ATP6V1C1: variants seen among roughly 807,000 people sequenced by gnomAD.
The protein encoded by ATP6V1C1 is V-type proton ATPase subunit C 1.
Under a neutral mutation model 53.9 loss-of-function variants are expected in ATP6V1C1, and 45 were observed. The ratio of observed to expected loss-of-function variants is 0.83; its 90% CI spans 0.66 to 1.07. The LOEUF is 1.07. ATP6V1C1 is among the 50% of genes least tolerant of loss of function. The pLI is 0.00. For synonymous variants in ATP6V1C1, 153 were observed against 155.2 expected (o/e 0.99, Z 0.11); for missense variants, 315 against 440.3 (o/e 0.72, Z 2.55).
In ATP6V1C1 at chr8:103,054,993, G is replaced by A. The variant is rs186431982; in HGVS notation, c.573-875G>A. On this transcript the variant is annotated intron_variant, in intron 7 of 12. Transcript: ENST00000518738. ...TTGCAGTATGCTAGAAAAAATTTTG[G>A]ATTTTTCTTTGCACAGGGAGAAGGC... Among the ~76,000 whole-genome samples, 76 of 152,064 alleles carry A rather than the reference G, an allele frequency of 5.0e-4. 1 individual carries two copies. The highest frequency in any genetic ancestry group is 7.2e-4 in the Non-Finnish European group (49 of 67,958).
intron 1 of ATP6V1C1, among the ~76,000 whole-genome samples, chr8:103,026,753 C>G (rs906023419): frequency 6.6e-6 from 1 of 152,180 alleles, no homozygotes; most frequent in African/African-American, 2.4e-5. Context: ...GCAGAAGTTA[C>G]AGTGAGCCGA....
chr8:103,053,923 G>T lies in ATP6V1C1; in HGVS notation c.513G>T (p.Lys171Asn). The T allele has an allele frequency of 6.2e-7, 1 of 1,611,716 alleles. No homozygotes were observed. Among genetic ancestry groups the T allele is most frequent in the Non-Finnish European group, 8.5e-7 (1 of 1,178,648 alleles). ...CTAGAAGTCTAGCAGAAATTGTGAA[G>T]AAGGATGACTTTGTTCTTGATTCAG... is the stretch of plus-strand genomic sequence containing the variant. ...LLTRSLAEIV[K>N]KDDFVLDSEY... The change falls in exon 7 of 13, where the codon AAG becomes AAT. Residue 171 changes from lysine (K) to asparagine (N), a missense_variant. Lys to Asn is a moderately conservative substitution (Grantham distance 94). Coordinates refer to ENST00000518738, the MANE Select transcript of ATP6V1C1 (RefSeq NM_001695.5).
At chr8:103,027,854 A>G (rs1366894310) in intron 1 of ATP6V1C1, among the ~76,000 whole-genome samples, 2 of 151,942 alleles carry the variant, frequency 1.3e-5, no homozygotes, top group Non-Finnish European at 2.9e-5. Flanking sequence ...CTCCCTGCAC[A>G]CACACAGACC....
At chr8:103,038,345 G>A (rs754371865) in intron 1 of ATP6V1C1, among the ~76,000 whole-genome samples, 18 of 152,172 alleles carry the variant, frequency 1.2e-4, no homozygotes, top group Non-Finnish European at 2.4e-4. Context: ...CCCTGAACTC[G>A]CATAGTGTGG....
intron 1 of ATP6V1C1, among the ~76,000 whole-genome samples, chr8:103,030,947 C>T (rs1010188866): frequency 2.0e-5 from 3 of 152,146 alleles, no homozygotes; most frequent in African/African-American, 7.2e-5. Context: ...GTATCAGAGA[C>T]TAAGTTAGCC....
At chr8:103,033,271 G>A (rs892408320) in intron 1 of ATP6V1C1, among the ~76,000 whole-genome samples, 4 of 152,104 alleles carry the variant, frequency 2.6e-5, no homozygotes, top group South Asian at 4.1e-4. Flanking sequence ...TCACACAGGT[G>A]TATACATTTG....
intron 3 of ATP6V1C1, among the ~76,000 whole-genome samples, chr8:103,048,289 A>G (rs893617573): frequency 6.6e-6 from 1 of 152,238 alleles, no homozygotes; most frequent in Non-Finnish European, 1.5e-5. Flanking sequence ...CCAGAACCAC[A>G]GTTACTTTTG....
chr8:103,053,707 T>C (rs1817240134), intron 6 of ATP6V1C1, among the ~76,000 whole-genome samples, 177 bp from the exon 7 acceptor site: 7 of 151,998 alleles, frequency 4.6e-5, no homozygotes. Flanking sequence ...TTTCGTTGGT[T>C]GCAAGGGTAG....
At chr8:103,047,184 G>A (rs1817111952) in intron 3 of ATP6V1C1, among the ~76,000 whole-genome samples, 1 of 152,082 alleles carries the variant, frequency 6.6e-6, no homozygotes, top group Non-Finnish European at 1.5e-5. Flanking sequence ...AGACCACTCA[G>A]CATAGGATTG....
chr8:103,035,986 A>G (rs1816891787), intron 1 of ATP6V1C1, among the ~76,000 whole-genome samples: 1 of 152,188 alleles, frequency 6.6e-6, no homozygotes. Context: ...CGAAGGGAAC[A>G]AGGAAAGGAA....
rs1817598835 is a variant in ATP6V1C1, at chr8:103,072,216, T to C, written c.*3469T>C. On this transcript the variant is annotated 3_prime_UTR_variant, in exon 13 of 13. Coordinates refer to ENST00000518738, the MANE Select transcript of ATP6V1C1 (RefSeq NM_001695.5). ...CCAGTAGTACCTTTAAAGTAACACT[T>C]TGTACATAACAAATACTCAGCAAAT... The C allele has an allele frequency of 6.6e-6, 1 of 152,236 alleles. No homozygotes were observed. The highest frequency in any genetic ancestry group is 1.5e-5 in the Non-Finnish European group (1 of 68,026). The allele number at this position is 152,236 out of a possible 1,614,324, so 9.4% of individuals were successfully genotyped here. A position where few individuals can be genotyped will look rare whatever the true frequency, so the allele number is the denominator to read the frequency against.
chr8:103,059,838 CT>C (rs1221699782), intron 8 of ATP6V1C1, among the ~76,000 whole-genome samples: 1 of 151,674 alleles, frequency 6.6e-6, no homozygotes, highest in Admixed American at 6.6e-5. Flanking sequence ...GTCTAAAACC[CT>C]GCTTGTCCCT....
chr8:103,069,401 TGTC>T lies in ATP6V1C1; in HGVS notation c.*655_*657del. On this transcript the variant is annotated 3_prime_UTR_variant, in exon 13 of 13. Coordinates refer to ENST00000518738, the MANE Select transcript of ATP6V1C1 (RefSeq NM_001695.5). ...TATGCTGAGGTGTAACCATTTGTGTTGTCTGACTTTCGTATGATTTAATTGAGC... is the reference window on the plus strand; with the variant it reads ...TATGCTGAGGTGTAACCATTTGTGTTTGACTTTCGTATGATTTAATTGAGC... The T allele has an allele frequency of 6.6e-6, 1 of 152,236 alleles. No homozygotes were observed. The highest frequency in any genetic ancestry group is 1.5e-5 in the Non-Finnish European group (1 of 68,038). The allele number at this position is 152,236 out of a possible 1,614,324, so 9.4% of individuals were successfully genotyped here. A position where few individuals can be genotyped will look rare whatever the true frequency, so the allele number is the denominator to read the frequency against.
chr8:103,042,133 G>A (rs1278151088), intron 2 of ATP6V1C1, among the ~76,000 whole-genome samples: 1 of 152,068 alleles, frequency 6.6e-6, no homozygotes, highest in Non-Finnish European at 1.5e-5. Context: ...AGTCTTAAGT[G>A]GTGCTTATAA....
At chr8:103,056,867 C>T (rs552285959) in intron 8 of ATP6V1C1, among the ~76,000 whole-genome samples, 1 of 152,194 alleles carries the variant, frequency 6.6e-6, no homozygotes, top group Admixed American at 6.5e-5. Flanking sequence ...ATTTTCTTTT[C>T]CAGTTTCATT....
intron 12 of ATP6V1C1, among the ~76,000 whole-genome samples, chr8:103,068,242 C>T (rs1817528833): frequency 6.6e-6 from 1 of 152,206 alleles, no homozygotes; most frequent in Non-Finnish European, 1.5e-5. Context: ...TCTCAAAGTG[C>T]TGATATTACA....
At chr8:103,064,042 G>A (rs1817447650) in intron 10 of ATP6V1C1, among the ~76,000 whole-genome samples, 1 of 152,096 alleles carries the variant, frequency 6.6e-6, no homozygotes, top group Admixed American at 6.5e-5. Flanking sequence ...CTATCCTTTT[G>A]CTTAAATTAA....
intron 1 of ATP6V1C1, among the ~76,000 whole-genome samples, chr8:103,030,618 C>T (rs1302070830): frequency 6.6e-6 from 1 of 152,122 alleles, no homozygotes; most frequent in East Asian, 1.9e-4. Flanking sequence ...CTCTCTGCAC[C>T]GTGTTTTAGG....
intron 1 of ATP6V1C1, among the ~76,000 whole-genome samples, chr8:103,024,524 G>A (rs1361191807): frequency 1.3e-5 from 2 of 152,172 alleles, no homozygotes; most frequent in African/African-American, 4.8e-5. Context: ...GTTCTGCTTA[G>A]GAGTACTACA....
Sources: gnomAD v4.1 joint callset for allele counts (sites outside exome capture counted in the v4.1 genomes callset) on GRCh38, gnomAD v4.1.1 for gene constraint, MANE v1.5 for transcripts, NCBI Gene and HGNC (gene_info 2026-07-23, HGNC 2026-07-21) for gene names.